Variants in TSC1 observed in about 807,000 individuals in gnomAD.
The protein encoded by TSC1 is hamartin.
A neutral mutation model predicts 124.3 loss-of-function variants in TSC1; 20 were observed. The ratio of observed to expected loss-of-function variants is 0.16; its 90% CI spans 0.11 to 0.23. The LOEUF (loss-of-function observed/expected upper bound fraction) is 0.23. Among genes scored for constraint, TSC1 ranks in the 10% least tolerant of loss-of-function variants. The pLI, the probability that TSC1 is intolerant of heterozygous loss-of-function variation, is 1.00. For synonymous variants in TSC1, 493 were observed against 539.1 expected (o/e 0.91, Z 1.19); for missense variants, 1,124 against 1,448.5 (o/e 0.78, Z 3.64).
At chr9:132,910,957 G>A (rs1335703681) in intron 11 of TSC1, 45 bp downstream of exon 11, 1 of 1,563,786 alleles carries the variant, frequency 6.4e-7, no homozygotes, top group Non-Finnish European at 8.8e-7. Context: ...GCCATTAAAG[G>A]CAGGCCAAAA....
intron 1 of TSC1, among the ~76,000 whole-genome samples, chr9:132,944,269 G>A (rs1847929685): frequency 6.6e-6 from 1 of 152,102 alleles, no homozygotes; most frequent in Non-Finnish European, 1.5e-5. Flanking sequence ...GAGGCCCAGG[G>A]TGCAGCCGTC....
In TSC1 at chr9:132,921,697, G is replaced by A. The variant is rs1048309792; in HGVS notation, c.663+122C>T. On this transcript the variant is annotated intron_variant, in intron 7 of 22. Coordinates refer to ENST00000298552, the MANE Select transcript of TSC1 (RefSeq NM_000368.5). The surrounding 1 kb of genome is among the most constrained non-coding windows in gnomAD (Gnocchi z 4.3). ...TAGTGGCTGCCTAGGGATTGGAGTG[G>A]CGAGGAAGAAAACTGAATTTCTTTT... 3.7e-6 allele frequency: 5 copies of A among 1,336,850 alleles called. No individual in the cohort carries two copies. In the African/African-American group the frequency reaches 5.8e-5, roughly 15 times the overall value. The allele number at this position is 1,336,850 out of a possible 1,614,324, so 82.8% of individuals were successfully genotyped here.
In TSC1 at chr9:132,923,527, C is replaced by G. The variant is rs1328133536; in HGVS notation, c.364-35G>C. The stretch of plus-strand genomic sequence containing the variant: ...AAAAGGTCAAACAGGAAACGTCTGT[C>G]AGGCACTGGCACCAGGATCGGCATT... On this transcript the variant is annotated intron_variant, in intron 5 of 22. Transcript: ENST00000298552. The surrounding 1 kb of genome is among the most constrained non-coding windows in gnomAD (Gnocchi z 4.2). 2 of 1,613,660 alleles carry G rather than the reference C, an allele frequency of 1.2e-6. No homozygotes were observed. The highest frequency in any genetic ancestry group is 3.3e-5 in the Admixed American group (2 of 59,986).
intron 8 of TSC1, among the ~76,000 whole-genome samples, chr9:132,915,089 C>T (rs112021889): frequency 2.8e-3 from 421 of 151,616 alleles, no homozygotes; most frequent in African/African-American, 7.0e-3. Flanking sequence ...AGGAGGCTGA[C>T]GTGGGAGGAT....
At chr9:132,911,619 T>G (rs1845972117) in intron 9 of TSC1, 51 bp from the exon 10 acceptor site, 2 of 666,440 alleles carry the variant, frequency 3.0e-6, no homozygotes, top group Admixed American at 3.1e-5. Context: ...TTTAGGTTAT[T>G]CTGGTTAAAA....
At chr9:132,927,082 C>T in intron 4 of TSC1, 119 bp downstream of exon 4, 1 of 938,128 alleles carries the variant, frequency 1.1e-6, no homozygotes, top group South Asian at 1.4e-5. Context: ...GGAACAATGT[C>T]ATCAGTGGCG....
At chr9:132,932,776 T>A (rs1252151292) in intron 2 of TSC1, among the ~76,000 whole-genome samples, 2 of 152,198 alleles carry the variant, frequency 1.3e-5, no homozygotes, top group African/African-American at 4.8e-5. Context: ...CATGAAACAC[T>A]CTTCTCCCAC....
intron 1 of TSC1, among the ~76,000 whole-genome samples, chr9:132,940,348 A>G (rs1588385234): frequency 6.6e-6 from 1 of 152,178 alleles, no homozygotes; most frequent in East Asian, 1.9e-4. Context: ...ACCTGAAGCC[A>G]TATCCAAAAT....
In TSC1 at chr9:132,903,895, T is replaced by C; in HGVS notation, c.2042-78A>G. The C allele has an allele frequency of 6.5e-7, 1 of 1,547,314 alleles. No homozygotes were observed. Among genetic ancestry groups the C allele is most frequent in the South Asian group, 1.1e-5 (1 of 88,670 alleles). Reference sequence around the variant, plus strand: ...ATCAAGCCCCCTTCCCATGTGTTGTTAGCTTAACAAACACAATTCTTTAAA... The same window carrying C: ...ATCAAGCCCCCTTCCCATGTGTTGTCAGCTTAACAAACACAATTCTTTAAA... On this transcript the variant is annotated intron_variant, in intron 16 of 22. Coordinates refer to ENST00000298552, the MANE Select transcript of TSC1 (RefSeq NM_000368.5). The surrounding 1 kb of genome is among the most constrained non-coding windows in gnomAD (Gnocchi z 5.9).
At chr9:132,944,341 C>T (rs933669641) in intron 1 of TSC1, among the ~76,000 whole-genome samples, 2 of 152,116 alleles carry the variant, frequency 1.3e-5, no homozygotes, top group Non-Finnish European at 2.9e-5. Context: ...CCCAGGGACC[C>T]GCCAGTCCCG....
In TSC1 at chr9:132,904,619, TACACTGG is replaced by T. The variant is rs3216877; in HGVS notation, c.1998-172_1998-166del. Among the ~76,000 whole-genome samples the T allele has an allele frequency of 0.16, 23,828 of 152,134 alleles. 1,944 individuals are homozygous for T. The highest frequency in any genetic ancestry group is 0.21 in the African/African-American group (8,859 of 41,460). Reference sequence around the variant, plus strand: ...TCCACAGAGAGTTAGAGGAGAAGCCTACACTGGACACAATGGGAGGCGGCCCTCGCCC... The same window carrying T: ...TCCACAGAGAGTTAGAGGAGAAGCCTACACAATGGGAGGCGGCCCTCGCCC... On this transcript the variant is annotated intron_variant, in intron 15 of 22. Coordinates refer to ENST00000298552, the MANE Select transcript of TSC1 (RefSeq NM_000368.5).
chr9:132,902,028 A>G lies in TSC1; in HGVS notation c.2392-329T>C. The G allele has an allele frequency of 3.4e-6, 1 of 295,312 alleles. No homozygotes were observed. The highest frequency in any genetic ancestry group is 6.4e-6 in the Non-Finnish European group (1 of 156,586). The allele number at this position is 295,312 out of a possible 1,614,324, so 18.3% of individuals were successfully genotyped here. A position where few individuals can be genotyped will look rare whatever the true frequency, so the allele number is the denominator to read the frequency against. ...GGAGACGCAGCGCCATCTGTTGGAC[A>G]CTCTGTGAATTACTAACTGGCTGGA... On this transcript the variant is annotated intron_variant, in intron 18 of 22. Transcript: ENST00000298552. This position sits in a 1 kb window ranked among gnomAD's most constrained non-coding sequence, Gnocchi z 5.2.
intron 2 of TSC1, among the ~76,000 whole-genome samples, chr9:132,934,193 C>T (rs1425470578): frequency 6.6e-6 from 1 of 152,160 alleles, no homozygotes; most frequent in Non-Finnish European, 1.5e-5. Flanking sequence ...AGACAGCAGA[C>T]CAAGCACCTC....
chr9:132,920,980 A>C (rs1846517999), intron 8 of TSC1, among the ~76,000 whole-genome samples: 1 of 151,676 alleles, frequency 6.6e-6, no homozygotes, highest in Non-Finnish European at 1.5e-5. Context: ...TACTTAATAT[A>C]GGACTCCCTG....
intron 15 of TSC1, 72 bp downstream of exon 15, chr9:132,905,509 C>T: frequency 6.2e-7 from 1 of 1,601,510 alleles, no homozygotes; most frequent in Non-Finnish European, 8.5e-7. Flanking sequence ...ATTCTTGTTC[C>T]TCTCTTACAC....
Position 132,894,001 on chromosome 9 carries a change from C to A in TSC1, c.*2234G>T. The A allele has an allele frequency of 4.3e-6, 1 of 233,500 alleles. No individual in the cohort carries two copies. The highest frequency in any genetic ancestry group is 6.0e-5 in the East Asian group (1 of 16,568). The allele number at this position is 233,500 out of a possible 1,614,324, so 14.5% of individuals were successfully genotyped here. A position where few individuals can be genotyped will look rare whatever the true frequency, so the allele number is the denominator to read the frequency against. On this transcript the variant is annotated 3_prime_UTR_variant, in exon 23 of 23. Transcript: ENST00000298552. Reference sequence around the variant, plus strand: ...GGGCACCTTCAACATGACTCCAGGTCTCATTCTCCCAACCGTAGTTGAATA... The same window carrying A: ...GGGCACCTTCAACATGACTCCAGGTATCATTCTCCCAACCGTAGTTGAATA...
intron 12 of TSC1, chr9:132,910,276 G>A (rs1217147182): frequency 6.7e-6 from 4 of 597,164 alleles, no homozygotes; most frequent in Non-Finnish European, 1.2e-5. Context: ...ACTCCACCCT[G>A]GGCGACAGAG....
rs112384441 is a variant in TSC1, at chr9:132,900,835, G to A, written c.2505C>T (p.Leu835=). ...ELLLSQVSQK[L]SNSESVQQQM... ...GCTGCTGGACCGACTCACTGTTTGA[G>A]AGCTAACCAAAAAACATGAGCAAAG... Residue 835 remains leucine, a splice_region_variant and synonymous_variant, in exon 20 of 23, where the codon CTC becomes CTT. Coordinates refer to ENST00000298552, the MANE Select transcript of TSC1 (RefSeq NM_000368.5). 106 of 1,614,012 alleles carry A rather than the reference G, an allele frequency of 6.6e-5. No individual in the cohort carries two copies. In the African/African-American group the frequency reaches 1.3e-3, roughly 20 times the overall value.
At chr9:132,913,889 TTG>T (rs1336043763) in intron 8 of TSC1, among the ~76,000 whole-genome samples, 18 of 100,232 alleles carry the variant, frequency 1.8e-4, no homozygotes, top group African/African-American at 3.2e-4. Context: ...TTGTTTTGTT[TTG>T]TTTTTTTTTT....
Sources: gnomAD v4.1 joint callset for allele counts (sites outside exome capture counted in the v4.1 genomes callset) on GRCh38, gnomAD v4.1.1 for gene constraint, Gnocchi (gnomAD v3.1) non-coding constraint, MANE v1.5 for transcripts, NCBI Gene and HGNC (gene_info 2026-07-23, HGNC 2026-07-21) for gene names.